Variants in DIAPH3 observed in about 807,000 individuals in gnomAD.
DIAPH3 encodes diaphanous related formin 3.
Under a neutral mutation model 144.3 loss-of-function variants are expected in DIAPH3, and 117 were observed. The ratio of observed to expected loss-of-function variants is 0.81; its 90% CI spans 0.70 to 0.95. DIAPH3 has a LOEUF of 0.95. Among genes scored for constraint, DIAPH3 ranks in the 40% least tolerant of loss-of-function variants. The probability of loss-of-function intolerance (pLI) is 0.00; values close to 1 mark genes in which losing one functional copy is unlikely to be tolerated. For synonymous variants in DIAPH3, 519 were observed against 488.9 expected (o/e 1.06, Z -0.81); for missense variants, 1,421 against 1,412.7 (o/e 1.01, Z -0.09).
intron 17 of DIAPH3, among the ~76,000 whole-genome samples, chr13:59,951,434 C>T (rs2049091188): frequency 6.6e-6 from 1 of 152,090 alleles, no homozygotes; most frequent in Admixed American, 6.6e-5. Flanking sequence ...TCAGGTATGT[C>T]TTTATTAGCA....
chr13:60,151,430 C>T (rs192986445), intron 1 of DIAPH3, among the ~76,000 whole-genome samples: 107 of 152,288 alleles, frequency 7.0e-4, no homozygotes, highest in Admixed American at 1.6e-3. Flanking sequence ...AGCCACATTG[C>T]CAGGCCCAAG....
chr13:59,676,496 TTTCTTC>T (rs1566171824), intron 27 of DIAPH3, among the ~76,000 whole-genome samples: 1 of 152,230 alleles, frequency 6.6e-6, no homozygotes. Flanking sequence ...ACAGCTATAG[TTTCTTC>T]AACTGTTCCT....
intron 22 of DIAPH3, among the ~76,000 whole-genome samples, chr13:59,851,435 A>G (rs2042963218): frequency 6.6e-6 from 1 of 152,138 alleles, no homozygotes; most frequent in Non-Finnish European, 1.5e-5. Flanking sequence ...CACTCAATCT[A>G]AAACTGCAAA....
chr13:59,794,515 GA>G (rs66691231), intron 25 of DIAPH3, among the ~76,000 whole-genome samples: 11,462 of 144,712 alleles, frequency 0.079, 550 homozygotes, highest in South Asian at 0.19. Context: ...CTTCTTTAGT[GA>G]AAAAAAAAAA....
intron 27 of DIAPH3, among the ~76,000 whole-genome samples, chr13:59,763,821 C>T (rs540357879): frequency 6.6e-6 from 1 of 151,784 alleles, no homozygotes; most frequent in South Asian, 2.1e-4. Context: ...AAATGTTTTC[C>T]TCAAATGTTA....
chr13:59,726,221 T>C (rs1183112904), intron 27 of DIAPH3, among the ~76,000 whole-genome samples: 1 of 152,216 alleles, frequency 6.6e-6, no homozygotes, highest in African/African-American at 2.4e-5. Flanking sequence ...TATGTTCATA[T>C]GTCTGTGTGT....
At chr13:59,779,411 C>T (rs1593831028) in intron 25 of DIAPH3, among the ~76,000 whole-genome samples, 1 of 152,102 alleles carries the variant, frequency 6.6e-6, no homozygotes, top group Non-Finnish European at 1.5e-5. Flanking sequence ...AAGAAATTCA[C>T]AGATAAAATC....
chr13:60,109,881 A>G (rs746822958), intron 3 of DIAPH3, among the ~76,000 whole-genome samples: 7 of 152,258 alleles, frequency 4.6e-5, no homozygotes, highest in Non-Finnish European at 8.8e-5. Context: ...CACGTATCTA[A>G]TAGTCATACA....
At chr13:60,079,345 C>A (rs530655084) in intron 4 of DIAPH3, among the ~76,000 whole-genome samples, 3 of 151,932 alleles carry the variant, frequency 2.0e-5, no homozygotes, top group African/African-American at 7.2e-5. Flanking sequence ...AAATTGAATT[C>A]TGTGAATACC....
chr13:59,824,470 C>T (rs897179114), intron 24 of DIAPH3, among the ~76,000 whole-genome samples: 7 of 152,106 alleles, frequency 4.6e-5, no homozygotes, highest in African/African-American at 1.7e-4. Flanking sequence ...ACTAGAACGG[C>T]AAACAGCAAA....
At chr13:60,070,226 T>C (rs550017299) in intron 4 of DIAPH3, among the ~76,000 whole-genome samples, 1 of 152,088 alleles carries the variant, frequency 6.6e-6, no homozygotes, top group Non-Finnish European at 1.5e-5. Flanking sequence ...AAGTATTTTA[T>C]TCCTTTTGTG....
chr13:59,818,216 TAAGAAA>T (rs1255306073), intron 24 of DIAPH3, among the ~76,000 whole-genome samples: 1 of 151,956 alleles, frequency 6.6e-6, no homozygotes, highest in Non-Finnish European at 1.5e-5. Context: ...TCTGGCTATT[TAAGAAA>T]AAGTTTTCCA....
Position 60,010,704 on chromosome 13 carries a change from G to C in DIAPH3, c.772-35C>G, listed in dbSNP as rs762382915. 9 of 1,596,528 alleles carry C rather than the reference G, an allele frequency of 5.6e-6. No individual in the cohort carries two copies. In the East Asian group the frequency reaches 1.8e-4, roughly 32 times the overall value. On this transcript the variant is annotated intron_variant, in intron 7 of 27. Coordinates refer to ENST00000400324, the MANE Select transcript of DIAPH3 (RefSeq NM_001042517.2). The stretch of plus-strand genomic sequence containing the variant: ...TTTGAAAATAAGAGGTCAAATGTTA[G>C]AAATTAGTTAGAAAAATAATACCCT...
chr13:59,970,569 G>T (rs2050306288), intron 16 of DIAPH3, among the ~76,000 whole-genome samples: 1 of 151,808 alleles, frequency 6.6e-6, no homozygotes. Flanking sequence ...CTGCAATAAT[G>T]TTTAATTATC....
intron 3 of DIAPH3, among the ~76,000 whole-genome samples, chr13:60,105,614 C>T (rs2058394990): frequency 6.6e-6 from 1 of 152,152 alleles, no homozygotes; most frequent in Admixed American, 6.5e-5. Context: ...AACCACCTTT[C>T]CCTGAATTTT....
intron 9 of DIAPH3, among the ~76,000 whole-genome samples, chr13:60,006,561 C>T (rs1387295082): frequency 6.6e-6 from 1 of 152,024 alleles, no homozygotes; most frequent in Non-Finnish European, 1.5e-5. Context: ...GACAAAGAAA[C>T]TTGTTCAAAG....
intron 15 of DIAPH3, among the ~76,000 whole-genome samples, chr13:59,973,555 T>C (rs2050507800): frequency 6.6e-6 from 1 of 152,136 alleles, no homozygotes; most frequent in African/African-American, 2.4e-5. Flanking sequence ...AACAGATAGC[T>C]ATCTCTTAAG....
At chr13:60,062,815 T>C (rs2056823553) in intron 4 of DIAPH3, among the ~76,000 whole-genome samples, 1 of 152,198 alleles carries the variant, frequency 6.6e-6, no homozygotes, top group African/African-American at 2.4e-5. Context: ...TAAAACAACA[T>C]ACATAATTTT....
chr13:60,081,277 T>A (rs2057550800), intron 4 of DIAPH3, among the ~76,000 whole-genome samples: 1 of 151,982 alleles, frequency 6.6e-6, no homozygotes, highest in South Asian at 2.1e-4. Context: ...AGCATAGAAA[T>A]TAAACTTAAA....
Sources: allele counts gnomAD v4.1 joint callset (sites outside exome capture counted in the v4.1 genomes callset), GRCh38; gene constraint gnomAD v4.1.1; transcripts MANE v1.5; gene names NCBI Gene and HGNC (gene_info 2026-07-23, HGNC 2026-07-21).